The following FHIT variants were observed in gnomAD, a reference collection of about 807,000 sequenced individuals.
FHIT encodes fragile histidine triad diadenosine triphosphatase, also known as bis(5'-adenosyl)-triphosphatase.
Under a neutral mutation model 17.9 loss-of-function variants are expected in FHIT, and 19 were observed. That is an observed-to-expected ratio of 1.06 (90% CI 0.74 to 1.56). The LOEUF (loss-of-function observed/expected upper bound fraction) is 1.56. Among genes scored for constraint, FHIT ranks in the 40% most tolerant of loss-of-function variants. The pLI is 0.00. For missense variants in FHIT, 248 were observed against 189.2 expected (o/e 1.31, Z -1.82); for synonymous variants, 81 against 69.7 (o/e 1.16, Z -0.81).
At chr3:60,159,963 A>G (rs910764818) in intron 5 of FHIT, among the ~76,000 whole-genome samples, 2 of 152,204 alleles carry the variant, frequency 1.3e-5, no homozygotes, top group African/African-American at 4.8e-5. Flanking sequence ...CCTTGTTCCA[A>G]ATACAAACAA....
At chr3:60,436,923 A>G (rs1035407910) in intron 5 of FHIT, among the ~76,000 whole-genome samples, 1 of 152,156 alleles carries the variant, frequency 6.6e-6, no homozygotes, top group African/African-American at 2.4e-5. Context: ...TCTACTTCAC[A>G]AAATGTTTTG....
At chr3:60,001,099 A>T (rs113548946) in intron 7 of FHIT, among the ~76,000 whole-genome samples, 1 of 152,156 alleles carries the variant, frequency 6.6e-6, no homozygotes, top group Non-Finnish European at 1.5e-5. Context: ...ATTCCATTTC[A>T]TAACACCTTG....
intron 3 of FHIT, among the ~76,000 whole-genome samples, chr3:60,835,887 T>C (rs1208327612): frequency 6.6e-6 from 1 of 152,198 alleles, no homozygotes; most frequent in Non-Finnish European, 1.5e-5. Context: ...CGTGTTGGGA[T>C]GACAGTCATC....
At chr3:60,596,119 C>T (rs1293637269) in intron 4 of FHIT, 3 of 362,538 alleles carry the variant, frequency 8.3e-6, no homozygotes, top group African/African-American at 4.4e-5. Flanking sequence ...GTATACTTAC[C>T]CATTATGAAC....
At chr3:60,713,161 C>T in intron 4 of FHIT, among the ~76,000 whole-genome samples, 1 of 152,122 alleles carries the variant, frequency 6.6e-6, no homozygotes, top group Non-Finnish European at 1.5e-5. Context: ...ACTGAACAAC[C>T]TGTTCCTGAA....
At chr3:59,887,815 G>A (rs573454317) in intron 8 of FHIT, among the ~76,000 whole-genome samples, 17 of 152,218 alleles carry the variant, frequency 1.1e-4, no homozygotes, top group African/African-American at 3.6e-4. Flanking sequence ...AAGGGACAGC[G>A]GGAGACCTTG....
At chr3:60,125,335 T>A (rs9876035) in intron 5 of FHIT, among the ~76,000 whole-genome samples, 67,223 of 151,608 alleles carry the variant, frequency 0.44, 15,174 homozygotes, top group African/African-American at 0.48. Flanking sequence ...AATTAATTTT[T>A]AAAATACACA....
intron 5 of FHIT, among the ~76,000 whole-genome samples, chr3:60,368,888 G>C (rs994187173): frequency 6.6e-6 from 1 of 151,736 alleles, no homozygotes; most frequent in Non-Finnish European, 1.5e-5. Context: ...TATTGATATG[G>C]CTCAAAGTTC....
At chr3:61,103,062 G>C (rs2035882452) in intron 2 of FHIT, among the ~76,000 whole-genome samples, 1 of 152,086 alleles carries the variant, frequency 6.6e-6, no homozygotes. Flanking sequence ...TTTCAGTTCT[G>C]CTCTGATCTT....
At chr3:61,039,683 T>C (rs900687413) in intron 3 of FHIT, among the ~76,000 whole-genome samples, 11 of 152,098 alleles carry the variant, frequency 7.2e-5, no homozygotes, top group East Asian at 1.9e-4. Flanking sequence ...GAGGGGAACA[T>C]CACATACCGG....
At chr3:60,282,131 C>T (rs1284231042) in intron 5 of FHIT, among the ~76,000 whole-genome samples, 2 of 152,128 alleles carry the variant, frequency 1.3e-5, no homozygotes, top group African/African-American at 2.4e-5. Context: ...ATAGTTTCAC[C>T]ACAGAATGCA....
chr3:61,215,250 A>G (rs1447196036), intron 1 of FHIT, among the ~76,000 whole-genome samples: 1 of 151,718 alleles, frequency 6.6e-6, no homozygotes, highest in Non-Finnish European at 1.5e-5. Flanking sequence ...ATGATTGTAT[A>G]TCTAGAAAAC....
intron 1 of FHIT, among the ~76,000 whole-genome samples, chr3:61,203,650 T>A (rs912942136): frequency 6.6e-6 from 1 of 152,036 alleles, no homozygotes; most frequent in Non-Finnish European, 1.5e-5. Flanking sequence ...GCTCTACTTG[T>A]AAAAAAACAA....
At chr3:60,753,503 C>T (rs1440423284) in intron 4 of FHIT, among the ~76,000 whole-genome samples, 1 of 152,172 alleles carries the variant, frequency 6.6e-6, no homozygotes, top group South Asian at 2.1e-4. Flanking sequence ...GGTAAGGGAG[C>T]GATCCACTCT....
intron 5 of FHIT, among the ~76,000 whole-genome samples, chr3:60,288,628 C>G (rs1199154359): frequency 6.7e-6 from 1 of 149,814 alleles, no homozygotes; most frequent in Non-Finnish European, 1.5e-5. Flanking sequence ...GGTGTGTGCA[C>G]GCACACATGC....
intron 2 of FHIT, among the ~76,000 whole-genome samples, chr3:61,113,940 A>G (rs2036229630): frequency 6.6e-6 from 1 of 152,212 alleles, no homozygotes. Flanking sequence ...GCATCAAAAC[A>G]CATCAAACAG....
At chr3:60,197,405 T>C (rs1266441686) in intron 5 of FHIT, among the ~76,000 whole-genome samples, 2 of 152,238 alleles carry the variant, frequency 1.3e-5, no homozygotes, top group Non-Finnish European at 2.9e-5. Context: ...CTCCTGCTTC[T>C]GTAATATGGC....
At chr3:60,123,995 T>G (rs375871866) in intron 5 of FHIT, among the ~76,000 whole-genome samples, 1,548 of 35,806 alleles carry the variant, frequency 0.043, 28 homozygotes, top group Non-Finnish European at 0.064. Context: ...TATATATATA[T>G]ATATATATAT....
chr3:60,268,348 T>A (rs1312352027), intron 5 of FHIT, among the ~76,000 whole-genome samples: 2 of 152,218 alleles, frequency 1.3e-5, no homozygotes, highest in African/African-American at 4.8e-5. Context: ...AGGAAATCAC[T>A]TTACTGCATA....
Sources: gnomAD v4.1 joint callset for allele counts (sites outside exome capture counted in the v4.1 genomes callset) on GRCh38, gnomAD v4.1.1 for gene constraint, MANE v1.5 for transcripts, NCBI Gene and HGNC (gene_info 2026-07-23, HGNC 2026-07-21) for gene names.